The following TNIP1 variants were observed in gnomAD, a reference collection of about 807,000 sequenced individuals.
TNIP1 encodes the protein TNFAIP3-interacting protein 1.
In TNIP1, 22 loss-of-function variants were observed where a neutral mutation model predicts 86.6. The ratio of observed to expected loss-of-function variants is 0.25; its 90% CI spans 0.18 to 0.36. The LOEUF (loss-of-function observed/expected upper bound fraction) is 0.36, where lower values mean the gene tolerates loss of function less well. TNIP1 is among the 10% of genes least tolerant of loss of function. The pLI, the probability that TNIP1 is intolerant of heterozygous loss-of-function variation, is 1.00. For synonymous variants in TNIP1, 294 were observed against 313.0 expected (o/e 0.94, Z 0.64); for missense variants, 709 against 820.6 (o/e 0.86, Z 1.66).
intron 6 of TNIP1, among the ~76,000 whole-genome samples, chr5:151,056,153 C>T (rs950150019): frequency 6.6e-6 from 1 of 152,160 alleles, no homozygotes; most frequent in Admixed American, 6.5e-5. Context: ...GGTCATACAG[C>T]AATAAAGGGT....
At chr5:151,043,731 T>C (rs1410115367) in intron 9 of TNIP1, among the ~76,000 whole-genome samples, 1 of 151,256 alleles carries the variant, frequency 6.6e-6, no homozygotes, top group African/African-American at 2.4e-5. Context: ...GCCGAGATCA[T>C]GGCACTGCAC....
chr5:151,071,064 C>A (rs1762773730), intron 1 of TNIP1, among the ~76,000 whole-genome samples: 2 of 152,086 alleles, frequency 1.3e-5, no homozygotes, highest in African/African-American at 4.8e-5. Context: ...AATCTCTGTA[C>A]CTTCTTCTCA....
chr5:151,072,341 C>T (rs1441160487), intron 1 of TNIP1, among the ~76,000 whole-genome samples: 1 of 152,190 alleles, frequency 6.6e-6, no homozygotes, highest in African/African-American at 2.4e-5. Flanking sequence ...ACATCACCTG[C>T]AGTCAACAGG....
chr5:151,049,679 T>C (rs2233297), intron 8 of TNIP1, 145 bp downstream of exon 8: 59,234 of 997,970 alleles, frequency 0.059, 2,086 homozygotes, highest in African/African-American at 0.11. Context: ...TCAGGCCAAG[T>C]AAAGAAAAAA....
rs977006281 is a variant in TNIP1 at position 151,032,580 on chromosome 5, G to A, written c.1780-197C>T. On this transcript the variant is annotated intron_variant, in intron 16 of 17. Coordinates refer to ENST00000521591, the MANE Select transcript of TNIP1 (RefSeq NM_006058.5). ...AACTTGCTGAAGGTCATCTAGCAAG[G>A]AGAATGGCTAAGCTTGGATTTGAAT... The A allele has an allele frequency of 4.9e-6, 3 of 610,108 alleles. No individual in the cohort carries two copies. The African/African-American group carries it at 5.6e-5, about 11-fold the overall frequency. The allele number at this position is 610,108 out of a possible 1,614,324, so 37.8% of individuals were successfully genotyped here.
chr5:151,059,865 GTGCGCGCGCGC>G (rs1366240927), intron 5 of TNIP1, among the ~76,000 whole-genome samples: 20 of 80,582 alleles, frequency 2.5e-4, no homozygotes, highest in Admixed American at 4.5e-4. Context: ...GTGTGTGTGT[GTGCGCGCGCGC>G]GCGCGCATGC....
chr5:151,032,229 T>A lies in TNIP1; in HGVS notation c.1876+58A>T, dbSNP rs994236157. On this transcript the variant is annotated intron_variant, in intron 17 of 17. Coordinates refer to ENST00000521591, the MANE Select transcript of TNIP1 (RefSeq NM_006058.5). The stretch of plus-strand genomic sequence containing the variant: ...CATCACCCCCAAACTCAGGCAATGC[T>A]GGCAGATAAGATATTATCTCCCCCA... The A allele has an allele frequency of 5.6e-6, 8 of 1,432,196 alleles. No individual in the cohort carries two copies. In the African/African-American group the frequency reaches 8.6e-5, roughly 15 times the overall value. 88.7% of individuals were successfully genotyped at this position (1,432,196 alleles called of 1,614,324 possible).
At chr5:151,064,370 G>C (rs1761977880) in intron 2 of TNIP1, among the ~76,000 whole-genome samples, 1 of 152,240 alleles carries the variant, frequency 6.6e-6, no homozygotes, top group Non-Finnish European at 1.5e-5. Context: ...GGAAGAAAGA[G>C]AGCCCCCTCT....
At chr5:151,062,247 G>C in intron 3 of TNIP1, 35 bp from the exon 4 acceptor site, 1 of 1,600,320 alleles carries the variant, frequency 6.2e-7, no homozygotes, top group African/African-American at 1.3e-5. Flanking sequence ...GAACTGACTG[G>C]GAAGGGGAGA....
chr5:151,030,555 G>T lies in TNIP1; in HGVS notation c.*158C>A. On this transcript the variant is annotated 3_prime_UTR_variant, in exon 18 of 18. Coordinates refer to ENST00000521591, the MANE Select transcript of TNIP1 (RefSeq NM_006058.5). ...TGGAGCCTCCCCAGTCCTGTAAACA[G>T]CTCAGTTCAGGGACTGGTGTACAAG... 2 of 1,182,700 alleles carry T rather than the reference G, an allele frequency of 1.7e-6. No homozygotes were observed. The highest frequency in any genetic ancestry group is 2.4e-6 in the Non-Finnish European group (2 of 822,198). The allele number at this position is 1,182,700 out of a possible 1,614,324, so 73.3% of individuals were successfully genotyped here.
intron 11 of TNIP1, among the ~76,000 whole-genome samples, chr5:151,040,461 CT>C (rs1758275404): frequency 6.6e-6 from 1 of 152,194 alleles, no homozygotes; most frequent in African/African-American, 2.4e-5. Context: ...CATCAAGAGG[CT>C]CCCGGATGGG....
intron 17 of TNIP1, among the ~76,000 whole-genome samples, chr5:151,031,395 A>G (rs1044226362): frequency 2.0e-5 from 3 of 152,186 alleles, no homozygotes; most frequent in Non-Finnish European, 4.4e-5. Flanking sequence ...TTCTGTTCCC[A>G]GAAGTCCCAC....
rs377637660 is a variant in TNIP1, at chr5:151,036,937, G to A, written c.1264-16C>T. The A allele has an allele frequency of 7.1e-5, 112 of 1,583,594 alleles. No individual in the cohort carries two copies. In the African/African-American group the frequency reaches 1.4e-3, roughly 20 times the overall value. On this transcript the variant is annotated splice_polypyrimidine_tract_variant and intron_variant, in intron 12 of 17. Transcript: ENST00000521591. ...CCTCCAGGGCCTGGAATCAGGAAAA[G>A]ATGGGACCATCAGCAGGAACCCCTG...
intron 15 of TNIP1, chr5:151,034,530 G>T: frequency 3.4e-6 from 1 of 291,616 alleles, no homozygotes; most frequent in Non-Finnish European, 6.5e-6. Context: ...GACACAGAAG[G>T]CTGGGCACAT....
chr5:151,074,602 A>G (rs557339442), intron 1 of TNIP1, among the ~76,000 whole-genome samples: 15 of 152,380 alleles, frequency 9.8e-5, no homozygotes, highest in Admixed American at 9.1e-4. Context: ...CCAAGGAGCT[A>G]GGAAGGAAAA....
chr5:151,044,292 T>G (rs866705145), intron 9 of TNIP1, among the ~76,000 whole-genome samples: 5 of 152,252 alleles, frequency 3.3e-5, no homozygotes, highest in Middle Eastern at 6.8e-3. Context: ...TCTTCCTGCA[T>G]CAGCCTCCCA....
intron 1 of TNIP1, among the ~76,000 whole-genome samples, chr5:151,071,379 T>G (rs1261660287): frequency 6.6e-6 from 1 of 152,064 alleles, no homozygotes; most frequent in Non-Finnish European, 1.5e-5. Context: ...AGGGCGAACA[T>G]CTTAACCCTC....
upstream of TNIP1, among the ~76,000 whole-genome samples, chr5:151,082,514 A>G (rs768492887): frequency 6.6e-5 from 10 of 151,998 alleles, no homozygotes; most frequent in African/African-American, 1.5e-4. Context: ...GTACTTCCCA[A>G]TTCTCTTCCT....
chr5:151,051,469 C>T (rs888989), intron 7 of TNIP1, among the ~76,000 whole-genome samples: 126,055 of 152,104 alleles, frequency 0.83, 52,373 homozygotes, highest in African/African-American at 0.87. Flanking sequence ...GCCCAAGTTC[C>T]TGTTGTAAGA....
Sources: gnomAD v4.1 joint callset for allele counts (sites outside exome capture counted in the v4.1 genomes callset) on GRCh38, gnomAD v4.1.1 for gene constraint, MANE v1.5 for transcripts, NCBI Gene and HGNC (gene_info 2026-07-23, HGNC 2026-07-21) for gene names.